Variants in SLC10A7 observed in about 807,000 individuals in gnomAD.
SLC10A7 encodes sodium/bile acid cotransporter 7.
In SLC10A7, 29 loss-of-function variants were observed where a neutral mutation model predicts 43.2. The ratio of observed to expected loss-of-function variants is 0.67; its 90% CI spans 0.50 to 0.92. The LOEUF (loss-of-function observed/expected upper bound fraction) is 0.92. Among genes scored for constraint, SLC10A7 ranks in the 40% least tolerant of loss-of-function variants. The probability of loss-of-function intolerance (pLI) is 0.00; values close to 1 mark genes in which losing one functional copy is unlikely to be tolerated. For synonymous variants in SLC10A7, 152 were observed against 144.8 expected (o/e 1.05, Z -0.35); for missense variants, 295 against 403.2 (o/e 0.73, Z 2.30).
intron 4 of SLC10A7, among the ~76,000 whole-genome samples, chr4:146,450,310 G>A (rs6537421): frequency 0.81 from 123,138 of 152,142 alleles, 50,393 homozygotes; most frequent in South Asian, 0.91. Flanking sequence ...TACATCATAT[G>A]TTAGGTATTC....
intron 5 of SLC10A7, among the ~76,000 whole-genome samples, chr4:146,436,971 A>G (rs943482182): frequency 3.9e-5 from 6 of 152,144 alleles, no homozygotes; most frequent in Non-Finnish European, 7.4e-5. Context: ...CTGACATGGC[A>G]AAAGCTATAA....
At chr4:146,417,047 T>C (rs78275210) in intron 5 of SLC10A7, among the ~76,000 whole-genome samples, 5 of 152,200 alleles carry the variant, frequency 3.3e-5, no homozygotes, top group Admixed American at 6.5e-5. Context: ...AAGATATATA[T>C]ATAAATATAA....
chr4:146,258,612 G>T (rs889537935), intron 11 of SLC10A7, 80 bp downstream of exon 11: 8 of 1,376,942 alleles, frequency 5.8e-6, no homozygotes, highest in South Asian at 1.6e-5. Flanking sequence ...AAGCAAAATC[G>T]AAAGTGTATG....
At chr4:146,393,624 A>G (rs982481889) in intron 5 of SLC10A7, among the ~76,000 whole-genome samples, 1 of 152,244 alleles carries the variant, frequency 6.6e-6, no homozygotes, top group Non-Finnish European at 1.5e-5. Context: ...GAATGAGTGC[A>G]TGGCATACTG....
intron 5 of SLC10A7, among the ~76,000 whole-genome samples, chr4:146,376,110 G>C (rs1207701904): frequency 6.6e-6 from 1 of 152,118 alleles, no homozygotes; most frequent in African/African-American, 2.4e-5. Context: ...GTGTGGTAGA[G>C]GAGCACAGAG....
At chr4:146,380,121 G>A (rs1211735674) in intron 5 of SLC10A7, among the ~76,000 whole-genome samples, 1 of 152,010 alleles carries the variant, frequency 6.6e-6, no homozygotes, top group African/African-American at 2.4e-5. Context: ...TATATAACAA[G>A]GAGTACTATG....
At chr4:146,514,988 G>T in intron 2 of SLC10A7, 1 of 605,412 alleles carries the variant, frequency 1.7e-6, no homozygotes, top group Non-Finnish European at 3.0e-6. Context: ...CGAGATCACG[G>T]CATTTCATTA....
chr4:146,290,127 A>G (rs1392157007), intron 9 of SLC10A7, among the ~76,000 whole-genome samples: 1 of 150,826 alleles, frequency 6.6e-6, no homozygotes, highest in Admixed American at 6.6e-5. Flanking sequence ...GATCCAGACC[A>G]TCCTGGCTAA....
intron 5 of SLC10A7, among the ~76,000 whole-genome samples, chr4:146,372,051 T>C (rs1736819998): frequency 6.6e-6 from 1 of 152,162 alleles, no homozygotes; most frequent in African/African-American, 2.4e-5. Flanking sequence ...TTACTAAATA[T>C]ATGCATCAGA....
intron 4 of SLC10A7, among the ~76,000 whole-genome samples, chr4:146,490,677 T>C (rs990471175): frequency 3.3e-5 from 5 of 152,206 alleles, no homozygotes; most frequent in African/African-American, 1.2e-4. Flanking sequence ...CTCTGAATAA[T>C]TCCCACAATA....
chr4:146,425,752 G>A (rs4835036), intron 5 of SLC10A7, among the ~76,000 whole-genome samples: 40,438 of 152,002 alleles, frequency 0.27, 6,217 homozygotes, highest in African/African-American at 0.43. Flanking sequence ...AGCAATGATT[G>A]AGAATACCTA....
rs59049339 is a variant in SLC10A7, at chr4:146,374,619, TACACACACACACACAC to T, written c.436-48639_436-48624del. ...ATATATACATATATATATATACACA[TACACACACACACACAC>T]ACACACACACACACACACACACACA... On this transcript the variant is annotated intron_variant, in intron 5 of 11. Transcript: ENST00000335472. Among the ~76,000 whole-genome samples the T allele has an allele frequency of 8.9e-5, 11 of 123,580 alleles. 1 individual carries two copies. The highest frequency in any genetic ancestry group is 2.8e-4 in the South Asian group (1 of 3,602). The allele number at this position is 123,580 out of a possible 152,430, so 81.1% of individuals were successfully genotyped here. A position where few individuals can be genotyped will look rare whatever the true frequency, so the allele number is the denominator to read the frequency against.
chr4:146,417,847 A>G (rs1453721699), intron 5 of SLC10A7, among the ~76,000 whole-genome samples: 1 of 152,068 alleles, frequency 6.6e-6, no homozygotes, highest in Non-Finnish European at 1.5e-5. Flanking sequence ...AGTGAGAAAA[A>G]CATTGGTGAT....
At chr4:146,435,499 C>T (rs1730139203) in intron 5 of SLC10A7, among the ~76,000 whole-genome samples, 1 of 152,164 alleles carries the variant, frequency 6.6e-6, no homozygotes, top group Non-Finnish European at 1.5e-5. Context: ...ACCATATACA[C>T]ACACAATTAG....
intron 5 of SLC10A7, among the ~76,000 whole-genome samples, chr4:146,373,626 G>A (rs1029301630): frequency 6.6e-6 from 1 of 152,078 alleles, no homozygotes; most frequent in Admixed American, 6.6e-5. Flanking sequence ...GGGTTTTAAT[G>A]GTGAAATGTA....
At chr4:146,452,157 G>A (rs1222827391) in intron 4 of SLC10A7, among the ~76,000 whole-genome samples, 6 of 152,076 alleles carry the variant, frequency 3.9e-5, no homozygotes, top group Admixed American at 1.3e-4. Context: ...ATGAGCTTGA[G>A]TAGGCACATT....
chr4:146,488,199 A>G (rs1455343027), intron 4 of SLC10A7, among the ~76,000 whole-genome samples: 1 of 152,108 alleles, frequency 6.6e-6, no homozygotes, highest in East Asian at 1.9e-4. Context: ...TCAAAAGAAA[A>G]AAAAAGAAAA....
At chr4:146,490,734 AC>A (rs969963829) in intron 4 of SLC10A7, among the ~76,000 whole-genome samples, 56 of 152,334 alleles carry the variant, frequency 3.7e-4, no homozygotes, top group African/African-American at 1.1e-3. Context: ...AGGAAAAAAA[AC>A]ATATGCCCAA....
chr4:146,262,303 G>A (rs1229643942), intron 10 of SLC10A7, among the ~76,000 whole-genome samples: 1 of 152,138 alleles, frequency 6.6e-6, no homozygotes, highest in African/African-American at 2.4e-5. Context: ...CTATGGTGGC[G>A]ATCATTTGGA....
Sources: allele counts gnomAD v4.1 joint callset (sites outside exome capture counted in the v4.1 genomes callset), GRCh38; gene constraint gnomAD v4.1.1; transcripts MANE v1.5; gene names NCBI Gene and HGNC (gene_info 2026-07-23, HGNC 2026-07-21).